The following BCL2 variants were observed in gnomAD, a reference collection of about 807,000 sequenced individuals.
BCL2 encodes the protein apoptosis regulator Bcl-2.
Under a neutral mutation model 14.2 loss-of-function variants are expected in BCL2, and 1 was observed. That is an observed-to-expected ratio of 0.07 (90% CI 0.02 to 0.33). The LOEUF (loss-of-function observed/expected upper bound fraction) is 0.33, where lower values mean the gene tolerates loss of function less well. Ranked by LOEUF, BCL2 falls within the 10% of genes least tolerant of loss-of-function variation. The pLI is 0.99. For missense variants in BCL2, 247 were observed against 305.9 expected (o/e 0.81, Z 1.44); for synonymous variants, 151 against 137.2 (o/e 1.10, Z -0.70).
chr18:63,176,394 C>T (rs1354398937), intron 2 of BCL2, among the ~76,000 whole-genome samples: 6 of 152,182 alleles, frequency 3.9e-5, no homozygotes, highest in African/African-American at 9.7e-5. Context: ...CTCCTCCTGT[C>T]GGCTCCCAAT....
intron 2 of BCL2, among the ~76,000 whole-genome samples, chr18:63,140,179 A>C (rs1599203488): frequency 6.6e-6 from 1 of 152,090 alleles, no homozygotes; most frequent in Admixed American, 6.6e-5. Context: ...AGAAATTGAA[A>C]CCCCTGCACA....
In BCL2 at chr18:63,318,297, A is replaced by G. The variant is rs61733415; in HGVS notation, c.370T>C (p.Phe124Leu). ...EMSSQLHLTP[F>L]TARGRFATVV... ...GTGGCAAAGCGTCCCCGCGCGGTGA[A>G]GGGCGTCAGGTGCAGCTGGCTGGAC... is the stretch of plus-strand genomic sequence containing the variant. The change falls in exon 2 of 3, where the codon TTC becomes CTC. Residue 124 changes from phenylalanine (F) to leucine (L), a missense_variant. By Grantham distance (22) the Phe-to-Leu change is conservative (BLOSUM62 0). Around this residue, in one of 3 missense-constraint regions of BCL2, gnomAD observed 67 missense variants for 145.7 expected, o/e 0.46. Transcript: ENST00000333681. This position sits in a 1 kb window ranked among gnomAD's most constrained non-coding sequence, Gnocchi z 7.4. 3.3e-5 allele frequency: 54 copies of G among 1,614,106 alleles called. 1 individual carries two copies. The African/African-American group carries it at 6.8e-4, about 20-fold the overall frequency.
chr18:63,170,717 C>T (rs552988267), intron 2 of BCL2, among the ~76,000 whole-genome samples: 27 of 152,332 alleles, frequency 1.8e-4, no homozygotes, highest in African/African-American at 6.5e-4. Flanking sequence ...GCCATCTGCA[C>T]TCTTTAAAAC....
intron 2 of BCL2, among the ~76,000 whole-genome samples, chr18:63,190,836 G>A (rs7243686): frequency 0.046 from 6,945 of 151,960 alleles, 187 homozygotes; most frequent in Non-Finnish European, 0.053. Flanking sequence ...TTAGCTATTT[G>A]TCCTGATGCT....
chr18:63,256,891 G>A (rs1054935249), intron 2 of BCL2, among the ~76,000 whole-genome samples: 5 of 151,896 alleles, frequency 3.3e-5, no homozygotes, highest in Admixed American at 1.3e-4. Flanking sequence ...CACTAAACAA[G>A]GTTGATCTAG....
intron 2 of BCL2, among the ~76,000 whole-genome samples, chr18:63,221,357 G>C (rs1386153732): frequency 6.6e-6 from 1 of 152,064 alleles, no homozygotes; most frequent in Non-Finnish European, 1.5e-5. Flanking sequence ...AATCATATGG[G>C]TCCCTTCCCA....
At chr18:63,255,014 C>A (rs1911430093) in intron 2 of BCL2, among the ~76,000 whole-genome samples, 1 of 152,190 alleles carries the variant, frequency 6.6e-6, no homozygotes, top group Non-Finnish European at 1.5e-5. Flanking sequence ...GAGCTCACTG[C>A]TGTGTGCATA....
chr18:63,310,799 G>A (rs1913292727), intron 2 of BCL2, among the ~76,000 whole-genome samples: 1 of 152,084 alleles, frequency 6.6e-6, no homozygotes, highest in South Asian at 2.1e-4. Context: ...CCTCAATTAG[G>A]ACTTCTTCAA....
chr18:63,198,778 GAC>G (rs1313444105), intron 2 of BCL2, among the ~76,000 whole-genome samples: 1 of 69,590 alleles, frequency 1.4e-5, no homozygotes, highest in Admixed American at 1.7e-4. Context: ...GAGACACACA[GAC>G]ACAGAGACAC....
chr18:63,299,246 C>T (rs1599298548), intron 2 of BCL2, among the ~76,000 whole-genome samples: 1 of 152,234 alleles, frequency 6.6e-6, no homozygotes, highest in Admixed American at 6.5e-5. Flanking sequence ...GCTGCCTGTG[C>T]ATTCATTCAT....
At chr18:63,269,493 T>A (rs34302549) in intron 2 of BCL2, among the ~76,000 whole-genome samples, 7,332 of 152,198 alleles carry the variant, frequency 0.048, 299 homozygotes, top group African/African-American at 0.098. Flanking sequence ...GAAATAGTCA[T>A]TAAAATTTGC....
At chr18:63,210,453 C>T (rs1568234712) in intron 2 of BCL2, among the ~76,000 whole-genome samples, 1 of 152,168 alleles carries the variant, frequency 6.6e-6, no homozygotes, top group East Asian at 1.9e-4. Context: ...CTTCAAATTT[C>T]AATCCCATAT....
At position 63,319,298 on chromosome 18, in the gene BCL2, C is replaced by A; in HGVS notation, c.-411G>T. 1 of 229,010 alleles carries A rather than the reference C, an allele frequency of 4.4e-6. No individual in the cohort carries two copies. The highest frequency in any genetic ancestry group is 6.2e-5 in the East Asian group (1 of 16,050). 14.2% of individuals were successfully genotyped at this position (229,010 alleles called of 1,614,324 possible). On this transcript the variant is annotated 5_prime_UTR_variant, in exon 1 of 3. Coordinates refer to ENST00000333681, the MANE Select transcript of BCL2 (RefSeq NM_000633.3). ...CCAGTTATAGCTGATTTGAAACTTC[C>A]CAATGAATCAGGAGTCGCGGGGAGA... is the stretch of plus-strand genomic sequence containing the variant.
At chr18:63,309,399 C>T (rs547546849) in intron 2 of BCL2, among the ~76,000 whole-genome samples, 5 of 152,310 alleles carry the variant, frequency 3.3e-5, no homozygotes, top group East Asian at 1.9e-4. Context: ...ATCACATGTA[C>T]GCCACAAAGC....
intron 2 of BCL2, among the ~76,000 whole-genome samples, chr18:63,173,140 G>T (rs901765674): frequency 1.3e-5 from 2 of 152,112 alleles, no homozygotes; most frequent in African/African-American, 4.8e-5. Context: ...GCACATAATC[G>T]TAATTAAAAA....
In BCL2 at chr18:63,273,836, A is replaced by AGC. The variant is rs1480748148; in HGVS notation, c.585+44245_585+44246insGC. Among the ~76,000 whole-genome samples, 19 of 152,332 alleles carry AGC rather than the reference A, an allele frequency of 1.2e-4. No homozygotes were observed. In the East Asian group the frequency reaches 3.1e-3, roughly 25 times the overall value. On this transcript the variant is annotated intron_variant, in intron 2 of 2. Coordinates refer to ENST00000333681, the MANE Select transcript of BCL2 (RefSeq NM_000633.3). ...GGTGATGGTGGCAAATGAAGGTGGC[A>AGC]TGACATCTTTTTGTTGCTTGGTCTT...
chr18:63,290,306 C>G (rs1912608976), intron 2 of BCL2, among the ~76,000 whole-genome samples: 2 of 152,006 alleles, frequency 1.3e-5, no homozygotes, highest in African/African-American at 4.8e-5. Flanking sequence ...TGCAGAAATA[C>G]CCATTTGAGA....
chr18:63,310,872 T>A (rs902565947), intron 2 of BCL2, among the ~76,000 whole-genome samples: 1 of 152,236 alleles, frequency 6.6e-6, no homozygotes, highest in Non-Finnish European at 1.5e-5. Context: ...CCTGTTCTTA[T>A]AATTTTGTTA....
Position 63,229,988 on chromosome 18 carries a change from T to TA in BCL2, c.585+88093dup, listed in dbSNP as rs1327385179. On this transcript the variant is annotated intron_variant, in intron 2 of 2. Transcript: ENST00000333681. ...AAATTGACAGCTCAAGTTTTTTTTT[T>TA]AAAAAAGGGAAAAGATTTAATATTG... 7.9e-5 allele frequency among the ~76,000 whole-genome samples: 12 copies of TA among 151,970 alleles called. No individual in the cohort carries two copies. The East Asian group carries it at 1.4e-3, about 17-fold the overall frequency.
Sources: allele counts gnomAD v4.1 joint callset (sites outside exome capture counted in the v4.1 genomes callset), GRCh38; gene constraint gnomAD v4.1.1; regional missense constraint gnomAD v4.1.1; non-coding constraint Gnocchi (gnomAD v3.1); transcripts MANE v1.5; gene names NCBI Gene and HGNC (gene_info 2026-07-23, HGNC 2026-07-21).